BPIFC: variants seen among roughly 807,000 people sequenced by gnomAD.
BPIFC encodes BPI fold containing family C.
Under a neutral mutation model 57.6 loss-of-function variants are expected in BPIFC, and 60 were observed. The observed-to-expected ratio is 1.04, with a 90% CI of 0.85 to 1.29. BPIFC has a LOEUF of 1.29. BPIFC is among the 50% of genes most tolerant of loss of function. BPIFC has a pLI of 0.00. For synonymous variants in BPIFC, 243 were observed against 224.5 expected, an observed-to-expected ratio of 1.08 and a Z score of -0.74; for missense variants, 581 against 600.5, an observed-to-expected ratio of 0.97 and a Z score of 0.34.
At chr22:32,437,014 C>G (rs1375352045) in intron 9 of BPIFC, among the ~76,000 whole-genome samples, 1 of 152,210 alleles carries the variant, frequency 6.6e-6, no homozygotes, top group Non-Finnish European at 1.5e-5. Context: ...TCAGTGAACA[C>G]TAATGCCACG....
rs1935161215 is a variant in BPIFC, at chr22:32,461,608, T to A, written c.-35A>T. On this transcript the variant is annotated 5_prime_UTR_variant, in exon 2 of 17. Coordinates refer to ENST00000300399, the MANE Select transcript of BPIFC (RefSeq NM_174932.3). The stretch of plus-strand genomic sequence containing the variant: ...GAGCTAGATCCAGCTGATCTTCTGC[T>A]GTGCTGGGCCTTTCTTGATCCTTTA... 1.0e-6 allele frequency: 1 copy of A among 985,412 alleles called. No individual in the cohort carries two copies. The highest frequency in any genetic ancestry group is 6.1e-5 in the Admixed American group (1 of 16,274). The allele number at this position is 985,412 out of a possible 1,614,324, so 61.0% of individuals were successfully genotyped here.
intron 4 of BPIFC, among the ~76,000 whole-genome samples, chr22:32,450,147 T>C (rs536016081): frequency 1.6e-5 from 2 of 125,726 alleles, no homozygotes; most frequent in South Asian, 2.5e-4. Context: ...CACACATATA[T>C]ACACATATAT....
At chr22:32,427,969 A>G (rs960729135) in intron 13 of BPIFC, among the ~76,000 whole-genome samples, 1 of 152,190 alleles carries the variant, frequency 6.6e-6, no homozygotes, top group African/African-American at 2.4e-5. Context: ...CCTGGGTGAC[A>G]GAGCGAGATT....
At chr22:32,428,295 G>A (rs935500538) in intron 13 of BPIFC, among the ~76,000 whole-genome samples, 8 of 149,826 alleles carry the variant, frequency 5.3e-5, no homozygotes, top group African/African-American at 1.5e-4. Flanking sequence ...GTGTGTGTGT[G>A]CTTTTGGACA....
chr22:32,462,627 C>T (rs1345649869), intron 1 of BPIFC, among the ~76,000 whole-genome samples: 1 of 152,166 alleles, frequency 6.6e-6, no homozygotes, highest in African/African-American at 2.4e-5. Context: ...GACACGTGGA[C>T]ATGGAGGCTT....
chr22:32,462,207 G>T (rs11704047), intron 1 of BPIFC, among the ~76,000 whole-genome samples: 22,688 of 121,148 alleles, frequency 0.19, 1,853 homozygotes, highest in Non-Finnish European at 0.26. Context: ...AGAAAAAAAA[G>T]AAAAAAAAAA....
At chr22:32,417,396 G>C (rs183645369) in intron 14 of BPIFC, among the ~76,000 whole-genome samples, 1 of 151,844 alleles carries the variant, frequency 6.6e-6, no homozygotes, top group East Asian at 1.9e-4. Context: ...CAGTCTCAAA[G>C]TCCTGGGCTC....
At chr22:32,444,432 T>C (rs1934655907) in intron 7 of BPIFC, among the ~76,000 whole-genome samples, 1 of 152,182 alleles carries the variant, frequency 6.6e-6, no homozygotes, top group Non-Finnish European at 1.5e-5. Context: ...AGCTGAGCAC[T>C]AGAGAGATGG....
At chr22:32,419,803 C>CAAAAAAAAAAAAAAAAA (rs34812283) in intron 13 of BPIFC, among the ~76,000 whole-genome samples, 1 of 102,370 alleles carries the variant, frequency 9.8e-6, no homozygotes, top group Non-Finnish European at 1.9e-5. Context: ...GAGACCCTGT[C>CAAAAAAAAAAAAAAAAA]AAAAAAAAAA....
chr22:32,415,840 C>A, intron 16 of BPIFC, 75 bp downstream of exon 16: 1 of 1,055,696 alleles, frequency 9.5e-7, no homozygotes, highest in Non-Finnish European at 1.3e-6. Context: ...ACAACAAAAA[C>A]AAGCAAAACA....
chr22:32,418,826 T>C (rs544709833), intron 14 of BPIFC, among the ~76,000 whole-genome samples: 1 of 152,256 alleles, frequency 6.6e-6, no homozygotes, highest in South Asian at 2.1e-4. Context: ...TTCCTGAAGC[T>C]TGAGGGAAGG....
Position 32,443,915 on chromosome 22 carries a change from C to G in BPIFC, c.595-1184G>C, listed in dbSNP as rs558051120. Among the ~76,000 whole-genome samples, 141 of 152,226 alleles carry G rather than the reference C, an allele frequency of 9.3e-4. 1 individual carries two copies. The highest frequency in any genetic ancestry group is 1.8e-3 in the Non-Finnish European group (120 of 67,998). On this transcript the variant is annotated intron_variant, in intron 7 of 16. Transcript: ENST00000300399. The stretch of plus-strand genomic sequence containing the variant: ...CTACAGCCTTGAGAGGGAGGCATGA[C>G]GGTCCCCTAATTACAGATGGGAAAA...
At position 32,414,406 on chromosome 22, in the gene BPIFC, G is replaced by T. The variant is rs745318588; in HGVS notation, c.1421C>A (p.Thr474Asn). 16 of 1,613,848 alleles carry T rather than the reference G, an allele frequency of 9.9e-6. No individual in the cohort carries two copies. The highest frequency in any genetic ancestry group is 1.4e-5 in the Non-Finnish European group (16 of 1,179,816). The change falls in exon 17 of 17, where the codon ACC (threonine) becomes AAC (asparagine). Residue 474 changes from threonine (T) to asparagine (N), a missense_variant. By Grantham distance (65) the Thr-to-Asn change is moderately conservative. Coordinates refer to ENST00000300399, the MANE Select transcript of BPIFC (RefSeq NM_174932.3). Reference protein sequence around the residue: ...EVLEGFLLISTDLKYETSSKQ... With the variant: ...EVLEGFLLISNDLKYETSSKQ... ...TGAGGATGTTTCATACTTCAGGTCGGTGGAAATCAAAAGGAAACCCTGGAA... is the reference window on the plus strand; with the variant it reads ...TGAGGATGTTTCATACTTCAGGTCGTTGGAAATCAAAAGGAAACCCTGGAA...
chr22:32,442,693 A>T lies in BPIFC; in HGVS notation c.633T>A (p.Asn211Lys), dbSNP rs780854057. The change falls in exon 8 of 17, where the codon AAT becomes AAA. Residue 211 changes from asparagine (N) to lysine (K), a missense_variant. By Grantham distance (94) the Asn-to-Lys change is moderately conservative. Transcript: ENST00000300399. ...CACCCTCCAGTGTGCTGAGGTTGGC[A>T]TTTAGCGCTTTGACTTCACTTGCAA... ...PIIASEVKAL[N>K]ANLSTLEVLT... 1 of 1,614,086 alleles carries T rather than the reference A, an allele frequency of 6.2e-7. No homozygotes were observed. The highest frequency in any genetic ancestry group is 2.2e-5 in the East Asian group (1 of 44,880).
chr22:32,431,374 C>T lies in BPIFC; in HGVS notation c.1190G>A (p.Arg397Lys). The change falls in exon 13 of 17, where the codon AGA (arginine) becomes AAA (lysine). Residue 397 changes from arginine (R) to lysine (K), a missense_variant. Transcript: ENST00000300399. ...TSVGLVILGQ[R>K]LVCSLSLNRF... ...GTTCAGAGACAAGGAGCAGACCAGT[C>T]TTTGTCCCAAAATAACCAGGCCAAC... 1.2e-6 allele frequency: 2 copies of T among 1,612,126 alleles called. No homozygotes were observed. Among genetic ancestry groups the T allele is most frequent in the African/African-American group, 2.7e-5 (2 of 75,038 alleles).
intron 4 of BPIFC, among the ~76,000 whole-genome samples, chr22:32,449,231 T>C (rs1934818790): frequency 6.6e-6 from 1 of 152,196 alleles, no homozygotes; most frequent in African/African-American, 2.4e-5. Flanking sequence ...GAGCCAAGTT[T>C]AGTACCAGCT....
At chr22:32,452,190 C>T (rs1404770296) in intron 4 of BPIFC, among the ~76,000 whole-genome samples, 2 of 152,242 alleles carry the variant, frequency 1.3e-5, no homozygotes, top group Non-Finnish European at 2.9e-5. Flanking sequence ...GTGTGAGCCA[C>T]TGAGCCCAGC....
rs373580664 is a variant in BPIFC, at chr22:32,421,691, G to A, written c.1218-2287C>T. On this transcript the variant is annotated intron_variant, in intron 13 of 16. Coordinates refer to ENST00000300399, the MANE Select transcript of BPIFC (RefSeq NM_174932.3). ...CAAATATTTATTATGTGTCAGCACT[G>A]GGACAGGTGCTAGAGATAGCAGCCT... Among the ~76,000 whole-genome samples, 133 of 152,286 alleles carry A rather than the reference G, an allele frequency of 8.7e-4. 2 individuals are homozygous for A. In the South Asian group the frequency reaches 0.027, roughly 30 times the overall value.
At chr22:32,445,282 A>G (rs972507638) in intron 7 of BPIFC, among the ~76,000 whole-genome samples, 5 of 152,224 alleles carry the variant, frequency 3.3e-5, no homozygotes, top group Non-Finnish European at 5.9e-5. Context: ...TCATGCCTGT[A>G]ATCCCAACAC....
Sources: gnomAD v4.1 joint callset for allele counts (sites outside exome capture counted in the v4.1 genomes callset) on GRCh38, gnomAD v4.1.1 for gene constraint, MANE v1.5 for transcripts, NCBI Gene and HGNC (gene_info 2026-07-23, HGNC 2026-07-21) for gene names.